Variants in LAMA2 observed in about 807,000 individuals in gnomAD.
LAMA2 encodes laminin subunit alpha 2.
A neutral mutation model predicts 364.8 loss-of-function variants in LAMA2; 269 were observed. That is an observed-to-expected ratio of 0.74 (90% CI 0.67 to 0.82). The LOEUF (loss-of-function observed/expected upper bound fraction) is 0.82. Ranked by LOEUF, LAMA2 falls within the 40% of genes least tolerant of loss-of-function variation. The pLI is 0.00. For missense variants in LAMA2, 3,807 were observed against 3,873.2 expected, an observed-to-expected ratio of 0.98 and a Z score of 0.45; for synonymous variants, 1,379 against 1,370.6, an observed-to-expected ratio of 1.01 and a Z score of -0.14.
chr6:129,087,316 A>G (rs900128821), intron 3 of LAMA2, among the ~76,000 whole-genome samples: 6 of 152,230 alleles, frequency 3.9e-5, no homozygotes, highest in African/African-American at 1.2e-4. Flanking sequence ...TAGGTCCTAA[A>G]TAAAATGTTA....
chr6:129,439,069 C>A (rs1001288456), intron 42 of LAMA2, among the ~76,000 whole-genome samples: 1 of 151,562 alleles, frequency 6.6e-6, no homozygotes, highest in Non-Finnish European at 1.5e-5. Context: ...TTCCAGGACC[C>A]CCCCCCACAG....
chr6:129,365,670 G>C (rs1180951934), intron 32 of LAMA2, among the ~76,000 whole-genome samples: 1 of 129,168 alleles, frequency 7.7e-6, no homozygotes, highest in African/African-American at 2.5e-5. Context: ...GCCTTCTTTA[G>C]ACTTTTTTTT....
chr6:129,416,959 A>G (rs1245625807), intron 40 of LAMA2, among the ~76,000 whole-genome samples: 2 of 152,154 alleles, frequency 1.3e-5, no homozygotes, highest in Non-Finnish European at 2.9e-5. Context: ...GGTACCAGGG[A>G]ATGCGGTGGC....
chr6:129,505,775 G>C (rs1480888590), intron 61 of LAMA2, among the ~76,000 whole-genome samples: 1 of 151,772 alleles, frequency 6.6e-6, no homozygotes, highest in Non-Finnish European at 1.5e-5. Context: ...CTCATGATCC[G>C]CCTGCCTCGG....
chr6:129,024,257 G>A (rs1785647910), intron 1 of LAMA2, among the ~76,000 whole-genome samples: 3 of 150,998 alleles, frequency 2.0e-5, no homozygotes, highest in South Asian at 4.2e-4. Context: ...TGAGTCAAAT[G>A]GTATGTTAAA....
At chr6:129,183,424 G>A (rs973755219) in intron 10 of LAMA2, among the ~76,000 whole-genome samples, 22 of 151,906 alleles carry the variant, frequency 1.4e-4, no homozygotes, top group African/African-American at 5.3e-4. Flanking sequence ...AGAAATCAAA[G>A]TCTGTATTTT....
intron 1 of LAMA2, among the ~76,000 whole-genome samples, chr6:128,910,686 G>A (rs1777858201): frequency 6.6e-6 from 1 of 152,226 alleles, no homozygotes; most frequent in African/African-American, 2.4e-5. Context: ...GTGAGGAACT[G>A]CGTTCCTTTG....
chr6:128,885,101 A>C (rs1776070818), intron 1 of LAMA2, among the ~76,000 whole-genome samples: 1 of 152,162 alleles, frequency 6.6e-6, no homozygotes, highest in Non-Finnish European at 1.5e-5. Context: ...TGCTACATAC[A>C]ATAAGGAATT....
chr6:129,448,507 A>C (rs1345389186), intron 45 of LAMA2, among the ~76,000 whole-genome samples: 1 of 152,154 alleles, frequency 6.6e-6, no homozygotes, highest in Non-Finnish European at 1.5e-5. Context: ...GTAAATATGG[A>C]TATCTGGATA....
chr6:129,247,214 C>T (rs138741528), intron 12 of LAMA2, among the ~76,000 whole-genome samples: 50 of 152,216 alleles, frequency 3.3e-4, no homozygotes, highest in Admixed American at 3.0e-3. Context: ...CTTTGGGAGA[C>T]GGAGGTGAGT....
chr6:129,036,133 A>G (rs897338315), intron 1 of LAMA2, among the ~76,000 whole-genome samples: 2 of 152,056 alleles, frequency 1.3e-5, no homozygotes, highest in African/African-American at 2.4e-5. Flanking sequence ...ATGTTTTTCC[A>G]TTTGTCCATG....
intron 3 of LAMA2, among the ~76,000 whole-genome samples, chr6:129,087,159 A>G (rs1158558260): frequency 6.6e-6 from 1 of 152,220 alleles, no homozygotes; most frequent in Non-Finnish European, 1.5e-5. Context: ...GGTTCCAAGA[A>G]TTAAATATAG....
chr6:129,418,296 G>A (rs1780902275), intron 40 of LAMA2, among the ~76,000 whole-genome samples: 1 of 151,952 alleles, frequency 6.6e-6, no homozygotes, highest in South Asian at 2.1e-4. Flanking sequence ...AAGGTCTTGA[G>A]TGTTTCGGTC....
chr6:129,371,463 C>G (rs1038753866), intron 34 of LAMA2, among the ~76,000 whole-genome samples: 1 of 152,046 alleles, frequency 6.6e-6, no homozygotes, highest in African/African-American at 2.4e-5. Flanking sequence ...TTCATTCATT[C>G]ACTTAACTAA....
At chr6:129,451,171 A>T (rs1782656607) in intron 45 of LAMA2, among the ~76,000 whole-genome samples, 1 of 152,144 alleles carries the variant, frequency 6.6e-6, no homozygotes, top group African/African-American at 2.4e-5. Flanking sequence ...CCATATTAAC[A>T]TCCAAGTAAA....
intron 16 of LAMA2, 141 bp from the exon 17 acceptor site, chr6:129,270,483 C>A: frequency 2.6e-6 from 2 of 769,318 alleles, no homozygotes; most frequent in East Asian, 2.6e-5. Context: ...TGCTATTTCT[C>A]TGCTGTAAAA....
chr6:129,072,780 G>T (rs1361274924), intron 3 of LAMA2, among the ~76,000 whole-genome samples: 3 of 151,854 alleles, frequency 2.0e-5, no homozygotes, highest in Non-Finnish European at 4.4e-5. Context: ...TCATTTATCA[G>T]AACTTTGTAA....
intron 56 of LAMA2, among the ~76,000 whole-genome samples, chr6:129,488,383 A>C (rs1784701125): frequency 6.6e-6 from 1 of 152,220 alleles, no homozygotes; most frequent in South Asian, 2.1e-4. Context: ...TTGAGAAATT[A>C]GTTTACCGAA....
At chr6:129,252,034 A>G (rs371352656) in intron 13 of LAMA2, 50 bp from the exon 14 acceptor site, 36 of 1,225,696 alleles carry the variant, frequency 2.9e-5, no homozygotes, top group Non-Finnish European at 4.3e-5. Context: ...ACACTTTTGT[A>G]CCCTCTTTTC....
Sources: allele counts gnomAD v4.1 joint callset (sites outside exome capture counted in the v4.1 genomes callset), GRCh38; gene constraint gnomAD v4.1.1; transcripts MANE v1.5; gene names NCBI Gene and HGNC (gene_info 2026-07-23, HGNC 2026-07-21).